The following ULK4 variants were observed in gnomAD, a reference collection of about 807,000 sequenced individuals.
ULK4 encodes the protein unc-51 like kinase 4.
Under a neutral mutation model 160.6 loss-of-function variants are expected in ULK4, and 133 were observed. The observed-to-expected ratio is 0.83, with a 90% CI of 0.72 to 0.96. ULK4 has a LOEUF of 0.96. Among genes scored for constraint, ULK4 ranks in the 40% least tolerant of loss-of-function variants. The pLI is 0.00. For missense variants in ULK4, 1,580 were observed against 1,499.5 expected (o/e 1.05, Z -0.89); for synonymous variants, 534 against 539.8 (o/e 0.99, Z 0.15).
chr3:41,666,052 TAC>T (rs904151641), intron 29 of ULK4, among the ~76,000 whole-genome samples: 1 of 152,210 alleles, frequency 6.6e-6, no homozygotes, highest in Non-Finnish European at 1.5e-5. Context: ...AGTGGAGTTG[TAC>T]AGTGTTTACT....
intron 31 of ULK4, among the ~76,000 whole-genome samples, chr3:41,589,425 C>A (rs2031106075): frequency 2.2e-5 from 2 of 91,628 alleles, no homozygotes; most frequent in African/African-American, 5.2e-5. Context: ...CCACAAAGGC[C>A]AGGCCAAAAA....
At chr3:41,623,668 G>A (rs867470238) in intron 30 of ULK4, among the ~76,000 whole-genome samples, 1 of 152,190 alleles carries the variant, frequency 6.6e-6, no homozygotes, top group Non-Finnish European at 1.5e-5. Context: ...CTCAAGAGAA[G>A]TAGAGGGTAG....
intron 27 of ULK4, among the ~76,000 whole-genome samples, chr3:41,683,790 T>C (rs1171851300): frequency 1.3e-5 from 2 of 151,958 alleles, no homozygotes; most frequent in African/African-American, 2.4e-5. Context: ...GTTCAGCTGG[T>C]AGGAAACTCT....
chr3:41,297,719 C>G (rs2079697530), intron 35 of ULK4, among the ~76,000 whole-genome samples: 1 of 152,214 alleles, frequency 6.6e-6, no homozygotes, highest in Non-Finnish European at 1.5e-5. Context: ...TCCTCCAACA[C>G]CTGAGATGCT....
At chr3:41,668,640 A>G (rs1394692913) in intron 29 of ULK4, among the ~76,000 whole-genome samples, 1 of 152,210 alleles carries the variant, frequency 6.6e-6, no homozygotes, top group Non-Finnish European at 1.5e-5. Flanking sequence ...GTACTCCCAC[A>G]TGGCACATGA....
chr3:41,248,022 C>G (rs113769688), intron 36 of ULK4, among the ~76,000 whole-genome samples: 19 of 152,200 alleles, frequency 1.2e-4, no homozygotes, highest in Non-Finnish European at 1.0e-4. Context: ...GCAGGACAGA[C>G]CACCAGCCTC....
intron 35 of ULK4, among the ~76,000 whole-genome samples, chr3:41,389,462 G>C (rs2081903508): frequency 6.6e-6 from 1 of 152,138 alleles, no homozygotes; most frequent in Non-Finnish European, 1.5e-5. Context: ...TTTTCAAAGG[G>C]AATGCTTCCA....
intron 20 of ULK4, among the ~76,000 whole-genome samples, chr3:41,796,077 T>C (rs1176248236): frequency 6.6e-6 from 1 of 152,000 alleles, no homozygotes; most frequent in Non-Finnish European, 1.5e-5. Context: ...AGGAGGTCAA[T>C]GAGGGAAAAG....
chr3:41,649,347 C>A (rs2034641854), intron 30 of ULK4, among the ~76,000 whole-genome samples: 1 of 152,154 alleles, frequency 6.6e-6, no homozygotes, highest in African/African-American at 2.4e-5. Flanking sequence ...GCAGGAGCCC[C>A]ACCCCCTACT....
chr3:41,307,114 C>A (rs1040742433), intron 35 of ULK4, among the ~76,000 whole-genome samples: 18 of 150,456 alleles, frequency 1.2e-4, no homozygotes, highest in Non-Finnish European at 2.4e-4. Flanking sequence ...CCAAATCCCC[C>A]TCTGTGAGAA....
chr3:41,735,959 G>C (rs972336456), intron 22 of ULK4, among the ~76,000 whole-genome samples: 1 of 149,632 alleles, frequency 6.7e-6, no homozygotes, highest in Non-Finnish European at 1.5e-5. Flanking sequence ...TTTTGTCCTT[G>C]CGATAGTTTG....
chr3:41,774,913 T>C (rs555019444), intron 21 of ULK4, among the ~76,000 whole-genome samples: 2,000 of 150,450 alleles, frequency 0.013, 154 homozygotes, highest in African/African-American at 0.047. Context: ...TGAGTTCATG[T>C]CCTTTGTAGG....
chr3:41,919,134 T>C (rs777464825), intron 6 of ULK4, among the ~76,000 whole-genome samples: 2 of 152,186 alleles, frequency 1.3e-5, no homozygotes, highest in African/African-American at 4.8e-5. Flanking sequence ...AATACACAAT[T>C]GCAAGGCATC....
intron 11 of ULK4, 37 bp downstream of exon 11, chr3:41,911,280 T>C: frequency 1.1e-5 from 18 of 1,596,890 alleles, no homozygotes; most frequent in Non-Finnish European, 1.5e-5. Flanking sequence ...ATTTAACTTT[T>C]GTCTTGCACT....
At chr3:41,549,851 A>G (rs2086998473) in intron 32 of ULK4, among the ~76,000 whole-genome samples, 1 of 152,178 alleles carries the variant, frequency 6.6e-6, no homozygotes, top group Admixed American at 6.5e-5. Flanking sequence ...TGGATCTCTC[A>G]GCAGAAAGTC....
At position 41,911,573 on chromosome 3, in the gene ULK4, C is replaced by T. The variant is rs1230263236; in HGVS notation, c.983G>A (p.Ser328Asn). ...SQSRQAKGHKSGQPLGHSFRL... is the reference protein window; with the variant it reads ...SQSRQAKGHKNGQPLGHSFRL... ...GAAAGAGTGACCTAGTGGTTGACCA[C>T]TCTTGTGCCCTTTTGCTTGTCTACT... The change falls in exon 10 of 37, where the codon AGT (serine) becomes AAT (asparagine). Residue 328 changes from serine to asparagine, a missense_variant. Ser to Asn is a conservative substitution (Grantham distance 46). Coordinates refer to ENST00000301831, the MANE Select transcript of ULK4 (RefSeq NM_017886.4). 1.2e-6 allele frequency: 2 copies of T among 1,613,950 alleles called. No individual in the cohort carries two copies. Among genetic ancestry groups the T allele is most frequent in the East Asian group, 2.2e-5 (1 of 44,874 alleles).
chr3:41,305,231 C>G (rs1297543162), intron 35 of ULK4, among the ~76,000 whole-genome samples: 6 of 152,146 alleles, frequency 3.9e-5, no homozygotes, highest in African/African-American at 1.4e-4. Flanking sequence ...CTCTCCCTCT[C>G]CCCACGGTCT....
intron 34 of ULK4, among the ~76,000 whole-genome samples, chr3:41,403,709 A>G (rs2082232737): frequency 6.6e-6 from 1 of 151,772 alleles, no homozygotes; most frequent in Non-Finnish European, 1.5e-5. Flanking sequence ...TCCCTTTTAC[A>G]CCTTTTGTCT....
Position 41,831,867 on chromosome 3 carries a change from A to G in ULK4, c.1764+3997T>C, listed in dbSNP as rs1410943214. ...TTCCAGCTTCACCCATGGCCCTGCA[A>G]ATGATATGATCTCATTCTTTTTTAT... On this transcript the variant is annotated intron_variant, in intron 18 of 36. Coordinates refer to ENST00000301831, the MANE Select transcript of ULK4 (RefSeq NM_017886.4). Among the ~76,000 whole-genome samples the G allele has an allele frequency of 2.0e-5, 3 of 152,148 alleles. No homozygotes were observed. The East Asian group carries it at 5.8e-4, about 29-fold the overall frequency.
Sources: gnomAD v4.1 joint callset for allele counts (sites outside exome capture counted in the v4.1 genomes callset) on GRCh38, gnomAD v4.1.1 for gene constraint, MANE v1.5 for transcripts, NCBI Gene and HGNC (gene_info 2026-07-23, HGNC 2026-07-21) for gene names.